Variants in CD36 observed in about 807,000 individuals in gnomAD.
The protein encoded by CD36 is CD36 molecule (CD36 blood group), also known as platelet glycoprotein 4.
In CD36, 119 loss-of-function variants were observed where a neutral mutation model predicts 55.2. That is an observed-to-expected ratio of 2.15 (90% CI 1.86 to 2.51). The LOEUF (loss-of-function observed/expected upper bound fraction) is 2.51. CD36 is among the 30% of genes most tolerant of loss of function. The probability of loss-of-function intolerance (pLI) is 0.00; values close to 1 mark genes in which losing one functional copy is unlikely to be tolerated. For missense variants in CD36, 819 were observed against 555.5 expected (o/e 1.47, Z -4.77); for synonymous variants, 186 against 193.6 (o/e 0.96, Z 0.33).
rs1340887196 is a variant in CD36 at position 80,662,705 on chromosome 7, T to C, written c.430-285T>C. 1.3e-5 allele frequency: 5 copies of C among 399,676 alleles called. No individual in the cohort carries two copies. The East Asian group carries it at 2.9e-4, about 23-fold the overall frequency. The allele number at this position is 399,676 out of a possible 1,614,324, so 24.8% of individuals were successfully genotyped here. A position where few individuals can be genotyped will look rare whatever the true frequency, so the allele number is the denominator to read the frequency against. The stretch of plus-strand genomic sequence containing the variant: ...ACCATCATCTAGGTTTTAAGCCCCG[T>C]ATGCCTTAATGCATTAGATATTTGA... On this transcript the variant is annotated intron_variant, in intron 5 of 14. Transcript: ENST00000447544.
chr7:80,624,319 A>G (rs1306145951), intron 1 of CD36: 1 of 152,120 alleles, frequency 6.6e-6, no homozygotes, highest in African/African-American at 2.4e-5. Context: ...AGTTTAATAT[A>G]TATTTGCATT....
chr7:80,662,613 A>G (rs1365033300), intron 5 of CD36: 5 of 224,720 alleles, frequency 2.2e-5, no homozygotes, highest in Non-Finnish European at 4.5e-5. Flanking sequence ...TCTGGGATAC[A>G]TGTGCTGAAT....
intron 3 of CD36, chr7:80,647,172 T>C (rs1795232011): frequency 6.0e-6 from 2 of 332,824 alleles, no homozygotes; most frequent in Non-Finnish European, 1.2e-5. Flanking sequence ...GTTGGCATGC[T>C]TTTGAGTAGG....
chr7:80,615,478 T>C (rs1370921120), intron 1 of CD36, among the ~76,000 whole-genome samples: 1 of 152,236 alleles, frequency 6.6e-6, no homozygotes, highest in East Asian at 1.9e-4. Context: ...TTGTTCTTTC[T>C]GCTTCTATTG....
At chr7:80,652,559 G>A (rs577520425) in intron 3 of CD36, among the ~76,000 whole-genome samples, 12 of 152,234 alleles carry the variant, frequency 7.9e-5, no homozygotes, top group South Asian at 4.1e-4. Context: ...GAAATGATTC[G>A]TTTTAGGCCC....
At chr7:80,603,785 AAG>A (rs1491544264) in intron 1 of CD36, among the ~76,000 whole-genome samples, 4 of 151,498 alleles carry the variant, frequency 2.6e-5, no homozygotes, top group Non-Finnish European at 5.9e-5. Flanking sequence ...AAAAAAAAAA[AAG>A]AGTTTTAAAC....
At chr7:80,610,048 G>T (rs1792789963) in intron 1 of CD36, among the ~76,000 whole-genome samples, 1 of 152,140 alleles carries the variant, frequency 6.6e-6, no homozygotes, top group South Asian at 2.1e-4. Flanking sequence ...ACAAGGACTG[G>T]CAAGTGAATA....
At chr7:80,633,341 A>T (rs1213020674) in intron 1 of CD36, 1 of 152,060 alleles carries the variant, frequency 6.6e-6, no homozygotes, top group Non-Finnish European at 1.5e-5. Flanking sequence ...TGTTACAAGC[A>T]TGACTTCTAT....
At chr7:80,633,866 G>A (rs576975821), upstream of CD36, among the ~76,000 whole-genome samples, 1 of 151,956 alleles carries the variant, frequency 6.6e-6, no homozygotes, top group Non-Finnish European at 1.5e-5. Context: ...TAGGTCAATA[G>A]AATGAAATTT....
chr7:80,660,608 CTG>C (rs1428686393), intron 4 of CD36, among the ~76,000 whole-genome samples: 1 of 152,200 alleles, frequency 6.6e-6, no homozygotes, highest in Non-Finnish European at 1.5e-5. Flanking sequence ...ACCTCTTACT[CTG>C]TAATCCAACC....
intron 14 of CD36, chr7:80,676,091 A>G (rs1798153719): frequency 6.6e-6 from 1 of 152,186 alleles, no homozygotes; most frequent in Non-Finnish European, 1.5e-5. Context: ...TATCTAAGAT[A>G]TACTGCCACT....
chr7:80,637,655 T>G (rs556780189), upstream of CD36, among the ~76,000 whole-genome samples: 1 of 152,108 alleles, frequency 6.6e-6, no homozygotes, highest in African/African-American at 2.4e-5. Context: ...GCACGAGCAT[T>G]CTAACTTAAG....
intron 8 of CD36, among the ~76,000 whole-genome samples, chr7:80,667,742 C>CTTTTTTTTTTT (rs1554344704): frequency 1.1e-5 from 1 of 92,940 alleles, no homozygotes; most frequent in African/African-American, 3.8e-5. Flanking sequence ...CAGGGGTTTT[C>CTTTTTTTTTTT]TTTTGTTTTT....
chr7:80,631,090 G>A (rs548858276), intron 1 of CD36, among the ~76,000 whole-genome samples: 1 of 152,162 alleles, frequency 6.6e-6, no homozygotes, highest in South Asian at 2.1e-4. Context: ...AAATTGAGCA[G>A]TGCAAAAGTA....
chr7:80,610,808 C>T (rs190737054), intron 1 of CD36, among the ~76,000 whole-genome samples: 182 of 152,248 alleles, frequency 1.2e-3, no homozygotes, highest in Admixed American at 0.012. Flanking sequence ...CTCCTGACCT[C>T]GTGATCTGCC....
intron 1 of CD36, among the ~76,000 whole-genome samples, chr7:80,629,681 A>C (rs1793958238): frequency 6.6e-6 from 1 of 152,048 alleles, no homozygotes. Flanking sequence ...ATACTTAAGC[A>C]TATTGAATTA....
At chr7:80,648,511 A>G (rs1033486139) in intron 3 of CD36, among the ~76,000 whole-genome samples, 1 of 151,426 alleles carries the variant, frequency 6.6e-6, no homozygotes, top group Non-Finnish European at 1.5e-5. Context: ...GCTAGCATTT[A>G]TTTTAATTCT....
intron 1 of CD36, among the ~76,000 whole-genome samples, chr7:80,620,820 T>G (rs1793427183): frequency 6.6e-6 from 1 of 152,158 alleles, no homozygotes; most frequent in African/African-American, 2.4e-5. Context: ...CCAGAAAAGG[T>G]GGACAAAAAC....
At chr7:80,673,542 A>C in intron 13 of CD36, 133 bp downstream of exon 13, 1 of 681,360 alleles carries the variant, frequency 1.5e-6, no homozygotes, top group Non-Finnish European at 2.7e-6. Flanking sequence ...GTATACATTT[A>C]TTTAACCTAT....
Sources: gnomAD v4.1 joint callset for allele counts (sites outside exome capture counted in the v4.1 genomes callset) on GRCh38, gnomAD v4.1.1 for gene constraint, MANE v1.5 for transcripts, NCBI Gene and HGNC (gene_info 2026-07-23, HGNC 2026-07-21) for gene names.